USH2A: variants seen among roughly 807,000 people sequenced by gnomAD.
USH2A encodes the protein Usher syndrome 2A (autosomal recessive, mild).
In USH2A, 443 loss-of-function variants were observed where a neutral mutation model predicts 538.9. The ratio of observed to expected loss-of-function variants is 0.82; its 90% confidence interval spans 0.76 to 0.89. The LOEUF (loss-of-function observed/expected upper bound fraction) is 0.89. Among genes scored for constraint, USH2A ranks in the 40% least tolerant of loss-of-function variants. The pLI is 0.00. For synonymous variants in USH2A, 2,413 were observed against 2,273.5 expected, an observed-to-expected ratio of 1.06 and a Z score of -1.75; for missense variants, 6,633 against 6,324.8, an observed-to-expected ratio of 1.05 and a Z score of -1.65.
At chr1:216,327,536 G>A in intron 5 of USH2A, 55 bp downstream of exon 5, 1 of 1,584,618 alleles carries the variant, frequency 6.3e-7, no homozygotes, top group South Asian at 1.1e-5. Flanking sequence ...TTATTTAAGT[G>A]AATTCAGCAT....
At chr1:215,924,933 G>C (rs1348605797) in intron 38 of USH2A, among the ~76,000 whole-genome samples, 1 of 152,072 alleles carries the variant, frequency 6.6e-6, no homozygotes, top group Non-Finnish European at 1.5e-5. Context: ...TGAGTCCATA[G>C]TAAGCACACT....
intron 21 of USH2A, 118 bp downstream of exon 21, chr1:216,175,134 C>T (rs1352153507): frequency 2.0e-6 from 3 of 1,529,664 alleles, no homozygotes; most frequent in Admixed American, 2.0e-5. Context: ...TATCAAAGGG[C>T]TGAATTAGTA....
chr1:215,890,729 G>A (rs948201378), intron 40 of USH2A, among the ~76,000 whole-genome samples: 3 of 152,094 alleles, frequency 2.0e-5, no homozygotes, highest in Non-Finnish European at 4.4e-5. Context: ...TGGGGATACA[G>A]CTCCTTTCTT....
chr1:216,292,666 GT>G (rs1480101113), intron 9 of USH2A, among the ~76,000 whole-genome samples: 2 of 152,020 alleles, frequency 1.3e-5, no homozygotes, highest in Non-Finnish European at 2.9e-5. Context: ...TACATGGGAT[GT>G]TTTGAAAAAG....
intron 61 of USH2A, among the ~76,000 whole-genome samples, chr1:215,681,910 A>G (rs1658243107): frequency 6.6e-6 from 1 of 152,198 alleles, no homozygotes; most frequent in East Asian, 1.9e-4. Flanking sequence ...TTGCTGAGCA[A>G]TCAGACTCTG....
chr1:215,865,247 G>GT (rs2102438922), intron 44 of USH2A, among the ~76,000 whole-genome samples: 1 of 152,246 alleles, frequency 6.6e-6, no homozygotes, highest in African/African-American at 2.4e-5. Context: ...GTTAACCTTT[G>GT]TGCTCACAAA....
At position 215,878,897 on chromosome 1, in the gene USH2A, T is replaced by C; in HGVS notation, c.8425A>G (p.Ser2809Gly). Residue 2809 changes from serine to glycine, a missense_variant, in exon 42 of 72, where the codon AGT becomes GGT. Coordinates refer to ENST00000307340, the MANE Select transcript of USH2A (RefSeq NM_206933.4). ...TGAGTGGTAACATAGGTAGGTAAAC[T>C]CTCTGTGCACCCTCCAAGGTACCCA... ...GNGYLGGCTE[S>G]LPTYVTTHPT... The C allele has an allele frequency of 6.2e-7, 1 of 1,613,950 alleles. No individual in the cohort carries two copies. The highest frequency in any genetic ancestry group is 8.5e-7 in the Non-Finnish European group (1 of 1,179,958).
At chr1:215,696,565 T>A (rs1395438406) in intron 61 of USH2A, among the ~76,000 whole-genome samples, 1 of 152,218 alleles carries the variant, frequency 6.6e-6, no homozygotes, top group Non-Finnish European at 1.5e-5. Context: ...TTATTAGTCA[T>A]AACCATCTGA....
At chr1:215,970,879 A>G in intron 35 of USH2A, 103 bp from the exon 36 acceptor site, 1 of 1,167,450 alleles carries the variant, frequency 8.6e-7, no homozygotes, top group Non-Finnish European at 1.3e-6. Context: ...TCATGGAATC[A>G]TTAAATCACA....
chr1:216,018,761 T>TA (rs1186269256), intron 32 of USH2A, among the ~76,000 whole-genome samples: 1 of 151,794 alleles, frequency 6.6e-6, no homozygotes, highest in African/African-American at 2.4e-5. Flanking sequence ...TTTTAAAAAA[T>TA]ATTTACACAT....
intron 60 of USH2A, among the ~76,000 whole-genome samples, chr1:215,729,429 T>C (rs536409745): frequency 6.6e-6 from 1 of 152,342 alleles, no homozygotes; most frequent in Admixed American, 6.5e-5. Flanking sequence ...CACTGTTTTT[T>C]CTACATTTAT....
rs973771954 is a variant in USH2A at position 216,161,905 on chromosome 1, T to C, written c.4627+13347A>G. 5.3e-5 allele frequency among the ~76,000 whole-genome samples: 8 copies of C among 152,062 alleles called. No homozygotes were observed. In the South Asian group the frequency reaches 6.2e-4, roughly 12 times the overall value. Reference sequence around the variant, plus strand: ...ATTGTTGTTGTTGAAAACTCAGACATCATTCTTATTTTTGCTCCACTGAAG... The same window carrying C: ...ATTGTTGTTGTTGAAAACTCAGACACCATTCTTATTTTTGCTCCACTGAAG... On this transcript the variant is annotated intron_variant, in intron 21 of 71. Transcript: ENST00000307340.
Position 216,365,092 on chromosome 1 carries a change from G to C in USH2A, c.652-7C>G, listed in dbSNP as rs1255460392. 6.2e-7 allele frequency: 1 copy of C among 1,610,580 alleles called. No homozygotes were observed. The highest frequency in any genetic ancestry group is 8.5e-7 in the Non-Finnish European group (1 of 1,178,468). On this transcript the variant is annotated splice_region_variant and splice_polypyrimidine_tract_variant and intron_variant, in intron 3 of 71. Coordinates refer to ENST00000307340, the MANE Select transcript of USH2A (RefSeq NM_206933.4). ...TGATTTTTGTCTGATGCACCTGTAA[G>C]AAATTACCACCATTATTAGTTTAAG... is the stretch of plus-strand genomic sequence containing the variant.
In USH2A at chr1:215,759,401, T is replaced by G. The variant is rs1832951; in HGVS notation, c.11231+259A>C. Among the ~76,000 whole-genome samples the G allele has an allele frequency of 0.65, 99,336 of 151,806 alleles. 35,187 individuals are homozygous for G. Among genetic ancestry groups the G allele is most frequent in the Middle Eastern group, 0.81 (237 of 294 alleles). On this transcript the variant is annotated intron_variant, in intron 57 of 71. Coordinates refer to ENST00000307340, the MANE Select transcript of USH2A (RefSeq NM_206933.4). ...AAGATAATTTGGTAATTTTTAAAGTTTAATACTTCATGTATTTTGTATATT... is the reference window on the plus strand; with the variant it reads ...AAGATAATTTGGTAATTTTTAAAGTGTAATACTTCATGTATTTTGTATATT...
intron 3 of USH2A, among the ~76,000 whole-genome samples, chr1:216,409,554 T>G (rs896272508): frequency 2.6e-5 from 4 of 151,768 alleles, no homozygotes; most frequent in African/African-American, 7.3e-5. Context: ...AGAAAAAGAA[T>G]AGAGAGCCCA....
chr1:215,623,467 A>G lies in USH2A; in HGVS notation c.*2314T>C, dbSNP rs1350434529. On this transcript the variant is annotated 3_prime_UTR_variant, in exon 72 of 72. Coordinates refer to ENST00000307340, the MANE Select transcript of USH2A (RefSeq NM_206933.4). ...TCAGCCACACACCCCAGATCAACCG[A>G]ATCAGAATCTCTAGAGGCGAGTCTG... 1.3e-5 allele frequency: 2 copies of G among 151,374 alleles called. No individual in the cohort carries two copies. Among genetic ancestry groups the G allele is most frequent in the African/African-American group, 4.8e-5 (2 of 41,444 alleles). The allele number at this position is 151,374 out of a possible 1,614,324, so 9.4% of individuals were successfully genotyped here. A position where few individuals can be genotyped will look rare whatever the true frequency, so the allele number is the denominator to read the frequency against.
rs1318948322 is a variant in USH2A, at chr1:215,624,116, C to T, written c.*1665G>A. The T allele has an allele frequency of 2.6e-5, 4 of 152,076 alleles. No homozygotes were observed. The highest frequency in any genetic ancestry group is 6.6e-5 in the Admixed American group (1 of 15,252). The allele number at this position is 152,076 out of a possible 1,614,324, so 9.4% of individuals were successfully genotyped here. A position where few individuals can be genotyped will look rare whatever the true frequency, so the allele number is the denominator to read the frequency against. On this transcript the variant is annotated 3_prime_UTR_variant, in exon 72 of 72. Transcript: ENST00000307340. ...CATTTCAGAAAGTATAAAAACTTGGCGAGAAATATATATTTCGTATTTTCT... is the reference window on the plus strand; with the variant it reads ...CATTTCAGAAAGTATAAAAACTTGGTGAGAAATATATATTTCGTATTTTCT...
chr1:216,056,176 T>G (rs188261063), intron 30 of USH2A, among the ~76,000 whole-genome samples: 40 of 152,286 alleles, frequency 2.6e-4, no homozygotes, highest in Admixed American at 3.9e-4. Flanking sequence ...CCATTTTTAT[T>G]CTAATTTGCC....
At chr1:216,024,874 A>G (rs1668927516) in intron 32 of USH2A, among the ~76,000 whole-genome samples, 2 of 151,974 alleles carry the variant, frequency 1.3e-5, no homozygotes, top group African/African-American at 4.8e-5. Context: ...AATGATTTTA[A>G]GCCACTTTAT....
Sources: gnomAD v4.1 joint callset for allele counts (sites outside exome capture counted in the v4.1 genomes callset) on GRCh38, gnomAD v4.1.1 for gene constraint, MANE v1.5 for transcripts, NCBI Gene and HGNC (gene_info 2026-07-23, HGNC 2026-07-21) for gene names.